The following RFX4 variants were observed in gnomAD, a reference collection of about 807,000 sequenced individuals.
RFX4 encodes the protein regulatory factor X4, also known as transcription factor RFX4.
Under a neutral mutation model 95.0 loss-of-function variants are expected in RFX4, and 10 were observed. The ratio of observed to expected loss-of-function variants is 0.11; its 90% CI spans 0.06 to 0.18. The LOEUF (loss-of-function observed/expected upper bound fraction) is 0.18. RFX4 is among the 10% of genes least tolerant of loss of function. The probability of loss-of-function intolerance (pLI) is 1.00; values close to 1 mark genes in which losing one functional copy is unlikely to be tolerated. For missense variants in RFX4, 640 were observed against 922.0 expected, an observed-to-expected ratio of 0.69 and a Z score of 3.96; for synonymous variants, 321 against 340.7, an observed-to-expected ratio of 0.94 and a Z score of 0.64.
intron 5 of RFX4, among the ~76,000 whole-genome samples, chr12:106,684,270 G>A (rs1317527722): frequency 6.6e-6 from 1 of 152,186 alleles, no homozygotes; most frequent in Non-Finnish European, 1.5e-5. Context: ...AGGAGGCTGA[G>A]GCAGGAGAAT....
chr12:106,658,902 C>T (rs533627965), intron 4 of RFX4, among the ~76,000 whole-genome samples: 1 of 152,332 alleles, frequency 6.6e-6, no homozygotes, highest in South Asian at 2.1e-4. Flanking sequence ...GGCCAACTCA[C>T]TGCACACCGA....
chr12:106,624,947 G>T (rs924681971), intron 2 of RFX4, among the ~76,000 whole-genome samples: 7 of 152,198 alleles, frequency 4.6e-5, no homozygotes, highest in African/African-American at 1.4e-4. Context: ...GAGAAGTCAA[G>T]ATTCTACCCA....
chr12:106,634,244 A>G (rs2040470171), intron 2 of RFX4, among the ~76,000 whole-genome samples: 1 of 152,170 alleles, frequency 6.6e-6, no homozygotes, highest in Non-Finnish European at 1.5e-5. Flanking sequence ...GGCTCAGCTC[A>G]AGTGCCGTCT....
At chr12:106,729,106 A>T (rs1333638083) in intron 13 of RFX4, among the ~76,000 whole-genome samples, 2 of 152,212 alleles carry the variant, frequency 1.3e-5, no homozygotes, top group Non-Finnish European at 2.9e-5. Context: ...TCCTTGTCTT[A>T]TAAAACAAGA....
intron 3 of RFX4, among the ~76,000 whole-genome samples, chr12:106,640,778 CTTT>C (rs34232717): frequency 7.3e-5 from 9 of 123,576 alleles, no homozygotes; most frequent in Non-Finnish European, 9.9e-5. Context: ...AATTGACAGA[CTTT>C]TTTTTTTTTT....
At chr12:106,588,592 C>T (rs920920727) in intron 1 of RFX4, among the ~76,000 whole-genome samples, 1 of 152,162 alleles carries the variant, frequency 6.6e-6, no homozygotes, top group African/African-American at 2.4e-5. Flanking sequence ...ATTCCATTGC[C>T]TCATTTGCAA....
intron 4 of RFX4, among the ~76,000 whole-genome samples, chr12:106,670,944 T>C (rs1398224062): frequency 6.6e-6 from 1 of 152,254 alleles, no homozygotes; most frequent in African/African-American, 2.4e-5. Flanking sequence ...TTCTCTCTCT[T>C]GTTCAAAGCA....
intron 2 of RFX4, among the ~76,000 whole-genome samples, chr12:106,631,068 C>T (rs181813825): frequency 5.9e-5 from 9 of 152,282 alleles, no homozygotes; most frequent in Admixed American, 5.9e-4. Flanking sequence ...AATCATTAGG[C>T]CTAACATTGA....
intron 1 of RFX4, among the ~76,000 whole-genome samples, chr12:106,601,975 A>G (rs2039720718): frequency 6.6e-6 from 1 of 152,084 alleles, no homozygotes; most frequent in Non-Finnish European, 1.5e-5. Context: ...TTTCCTCTCC[A>G]TGGAAGCTCT....
chr12:106,707,605 AG>A (rs1011326638), intron 8 of RFX4, among the ~76,000 whole-genome samples: 3 of 152,096 alleles, frequency 2.0e-5, no homozygotes, highest in African/African-American at 7.2e-5. Context: ...AAACATGACA[AG>A]TCCACTGGGT....
chr12:106,732,270 G>A (rs1453662622), intron 14 of RFX4, 21 bp downstream of exon 14: 1 of 1,612,880 alleles, frequency 6.2e-7, no homozygotes, highest in South Asian at 1.1e-5. Context: ...ATTTTCCTGG[G>A]AATTGCACCA....
At chr12:106,716,629 C>T (rs2042297583) in intron 11 of RFX4, among the ~76,000 whole-genome samples, 1 of 152,044 alleles carries the variant, frequency 6.6e-6, no homozygotes, top group Non-Finnish European at 1.5e-5. Context: ...CTGGCTTAGC[C>T]CAAACCTCAC....
chr12:106,758,005 T>C (rs1483937463), intron 17 of RFX4, among the ~76,000 whole-genome samples: 2 of 152,258 alleles, frequency 1.3e-5, no homozygotes, highest in Admixed American at 6.5e-5. Flanking sequence ...TGGTGACTTA[T>C]GTCCTTTTTA....
intron 4 of RFX4, among the ~76,000 whole-genome samples, chr12:106,670,391 T>C (rs1457465848): frequency 6.6e-6 from 1 of 152,178 alleles, no homozygotes. Flanking sequence ...TGACACATTA[T>C]CCAGTCACCC....
chr12:106,669,643 G>A (rs2041242268), intron 4 of RFX4, among the ~76,000 whole-genome samples: 1 of 152,048 alleles, frequency 6.6e-6, no homozygotes, highest in Admixed American at 6.6e-5. Context: ...CACAGCAGAA[G>A]ATGAGGGCAC....
chr12:106,679,144 G>A (rs574904482), intron 4 of RFX4, among the ~76,000 whole-genome samples: 79 of 152,306 alleles, frequency 5.2e-4, no homozygotes, highest in African/African-American at 1.8e-3. Flanking sequence ...AAATGTCTGT[G>A]AATAACAGAG....
chr12:106,694,051 A>C (rs1167137126), intron 7 of RFX4, among the ~76,000 whole-genome samples: 1 of 152,178 alleles, frequency 6.6e-6, no homozygotes, highest in Middle Eastern at 3.2e-3. Context: ...AGAACCCTGC[A>C]AGTCAGTCTT....
At chr12:106,644,887 G>T (rs942105697) in intron 3 of RFX4, among the ~76,000 whole-genome samples, 6 of 152,192 alleles carry the variant, frequency 3.9e-5, no homozygotes, top group African/African-American at 1.4e-4. Context: ...AGAGAGGAGG[G>T]CAGGCCCAGG....
intron 2 of RFX4, among the ~76,000 whole-genome samples, chr12:106,624,623 G>A (rs962223868): frequency 2.0e-5 from 3 of 152,072 alleles, no homozygotes; most frequent in African/African-American, 7.2e-5. Context: ...CACCTCGCCC[G>A]GGCTTTTTTT....
Sources: gnomAD v4.1 joint callset for allele counts (sites outside exome capture counted in the v4.1 genomes callset) on GRCh38, gnomAD v4.1.1 for gene constraint, MANE v1.5 for transcripts, NCBI Gene and HGNC (gene_info 2026-07-23, HGNC 2026-07-21) for gene names.